ALMS1: variants seen among roughly 807,000 people sequenced by gnomAD.
ALMS1 encodes ALMS1 centrosome and basal body associated protein, also known as centrosome-associated protein ALMS1.
A neutral mutation model predicts 352.2 loss-of-function variants in ALMS1; 271 were observed. The ratio of observed to expected loss-of-function variants is 0.77; its 90% CI spans 0.70 to 0.85. The LOEUF is 0.85. ALMS1 is among the 40% of genes least tolerant of loss of function. The pLI is 0.00. For missense variants in ALMS1, 5,445 were observed against 4,870.7 expected (o/e 1.12, Z -3.51); for synonymous variants, 1,865 against 1,761.2 (o/e 1.06, Z -1.48).
chr2:73,390,367 A>G (rs985841556), intron 1 of ALMS1, among the ~76,000 whole-genome samples: 1 of 152,236 alleles, frequency 6.6e-6, no homozygotes, highest in African/African-American at 2.4e-5. Flanking sequence ...AATAGGAAAC[A>G]TTAATTTCAT....
chr2:73,391,410 C>T (rs1191341225), intron 1 of ALMS1, among the ~76,000 whole-genome samples: 1 of 150,198 alleles, frequency 6.7e-6, no homozygotes, highest in Non-Finnish European at 1.5e-5. Context: ...TCTCCTGCCT[C>T]AGCCTCCCGA....
At chr2:73,524,773 G>A (rs1362697427) in intron 11 of ALMS1, among the ~76,000 whole-genome samples, 2 of 152,070 alleles carry the variant, frequency 1.3e-5, no homozygotes, top group Non-Finnish European at 2.9e-5. Flanking sequence ...ATTTTAAAAT[G>A]TACAGTGAAT....
At chr2:73,574,275 A>G (rs1164159163) in intron 16 of ALMS1, among the ~76,000 whole-genome samples, 5 of 152,224 alleles carry the variant, frequency 3.3e-5, no homozygotes, top group African/African-American at 1.2e-4. Flanking sequence ...CAAGGGGTCA[A>G]TAAATGTAGG....
intron 1 of ALMS1, among the ~76,000 whole-genome samples, chr2:73,403,133 A>G (rs1163108674): frequency 6.6e-6 from 1 of 152,132 alleles, no homozygotes; most frequent in Non-Finnish European, 1.5e-5. Context: ...AGTTTTTCCC[A>G]TATATTTTCT....
At chr2:73,526,810 A>G (rs1294468952) in intron 11 of ALMS1, among the ~76,000 whole-genome samples, 1 of 152,124 alleles carries the variant, frequency 6.6e-6, no homozygotes, top group Admixed American at 6.5e-5. Context: ...TGCTATGTTG[A>G]ATAACGGTTT....
chr2:73,599,193 A>G (rs1675617926), intron 16 of ALMS1, among the ~76,000 whole-genome samples: 2 of 152,000 alleles, frequency 1.3e-5, no homozygotes, highest in Admixed American at 1.3e-4. Flanking sequence ...TTGTCTTACC[A>G]CCTTATAACA....
intron 10 of ALMS1, among the ~76,000 whole-genome samples, chr2:73,512,331 C>T (rs973709416): frequency 6.6e-6 from 1 of 152,030 alleles, no homozygotes; most frequent in Non-Finnish European, 1.5e-5. Context: ...GATCTGCCCA[C>T]CTTGGCCTCC....
At chr2:73,561,577 A>G (rs1175623928) in intron 15 of ALMS1, among the ~76,000 whole-genome samples, 2 of 151,788 alleles carry the variant, frequency 1.3e-5, no homozygotes, top group Non-Finnish European at 2.9e-5. Context: ...GGCTTGTGAG[A>G]GGGTGGACAG....
intron 10 of ALMS1, among the ~76,000 whole-genome samples, chr2:73,517,714 A>G (rs1261614249): frequency 1.3e-5 from 2 of 150,918 alleles, no homozygotes; most frequent in Admixed American, 6.6e-5. Context: ...TTGGAGTGCA[A>G]TGGCGCAATC....
intron 2 of ALMS1, among the ~76,000 whole-genome samples, chr2:73,417,422 G>T (rs776158994): frequency 6.6e-6 from 1 of 152,102 alleles, no homozygotes; most frequent in Non-Finnish European, 1.5e-5. Flanking sequence ...ACAGAACAAC[G>T]TTATGAAACA....
Position 73,408,679 on chromosome 2 carries a change from A to G in ALMS1, c.382A>G (p.Thr128Ala), listed in dbSNP as rs1296102018. 6.2e-7 allele frequency: 1 copy of G among 1,613,732 alleles called. No homozygotes were observed. Among genetic ancestry groups the G allele is most frequent in the Non-Finnish European group, 8.5e-7 (1 of 1,179,810 alleles). ...QQIVYQGNSR[T>A]QISDTNVVCL... ...GATAGTATATCAAGGCAATAGTAGA[A>G]CACAAATTTCTGATACTAATGTGGT... The change falls in exon 2 of 23, where the codon ACA becomes GCA. Residue 128 changes from threonine to alanine, a missense_variant. Transcript: ENST00000613296.
At chr2:73,482,648 G>A (rs1199166299) in intron 9 of ALMS1, among the ~76,000 whole-genome samples, 5 of 152,206 alleles carry the variant, frequency 3.3e-5, no homozygotes, top group Non-Finnish European at 7.3e-5. Context: ...GTTTCAGAAG[G>A]AATGGTACCA....
At chr2:73,516,996 A>G (rs17349685) in intron 10 of ALMS1, among the ~76,000 whole-genome samples, 4,617 of 152,134 alleles carry the variant, frequency 0.03, 108 homozygotes, top group Non-Finnish European at 0.047. Context: ...TTATAGTGCC[A>G]TGAGTATGAA....
intron 13 of ALMS1, 73 bp from the exon 14 acceptor site, chr2:73,557,147 G>T (rs562767036): frequency 6.3e-7 from 1 of 1,597,966 alleles, no homozygotes; most frequent in African/African-American, 1.3e-5. Context: ...GTTTGTAATT[G>T]TGGGGGAGGA....
intron 7 of ALMS1, among the ~76,000 whole-genome samples, chr2:73,437,400 T>G (rs1397560999): frequency 6.6e-6 from 1 of 152,190 alleles, no homozygotes; most frequent in Non-Finnish European, 1.5e-5. Flanking sequence ...GGGGTAGGGA[T>G]GATTAGAGCT....
intron 16 of ALMS1, among the ~76,000 whole-genome samples, chr2:73,575,616 A>G (rs1467182625): frequency 1.3e-5 from 2 of 152,034 alleles, no homozygotes; most frequent in African/African-American, 2.4e-5. Context: ...CCATTTGTAT[A>G]TCTTCTTTTG....
At chr2:73,500,453 C>T (rs551995522) in intron 10 of ALMS1, among the ~76,000 whole-genome samples, 1 of 152,182 alleles carries the variant, frequency 6.6e-6, no homozygotes, top group Non-Finnish European at 1.5e-5. Context: ...GGAGTGGTCA[C>T]TCTTGAGACC....
At chr2:73,581,324 C>T (rs1675172667) in intron 16 of ALMS1, among the ~76,000 whole-genome samples, 1 of 152,122 alleles carries the variant, frequency 6.6e-6, no homozygotes, top group Admixed American at 6.5e-5. Flanking sequence ...AAGGCAGGTC[C>T]CTTGTGTCAG....
chr2:73,481,558 A>G (rs919719812), intron 9 of ALMS1, among the ~76,000 whole-genome samples: 38 of 151,962 alleles, frequency 2.5e-4, no homozygotes, highest in African/African-American at 6.5e-4. Context: ...TTGGCGATGC[A>G]GGCTCTTTTT....
Sources: allele counts gnomAD v4.1 joint callset (sites outside exome capture counted in the v4.1 genomes callset), GRCh38; gene constraint gnomAD v4.1.1; transcripts MANE v1.5; gene names NCBI Gene and HGNC (gene_info 2026-07-23, HGNC 2026-07-21).